WWOX: variants seen among roughly 807,000 people sequenced by gnomAD.
WWOX encodes WW domain containing oxidoreductase, also known as WW domain-containing oxidoreductase.
In WWOX, 69 loss-of-function variants were observed where a neutral mutation model predicts 46.2. That is an observed-to-expected ratio of 1.49 (90% CI 1.23 to 1.82). The LOEUF is 1.82. WWOX is among the 40% of genes most tolerant of loss of function. The pLI is 0.00. For synonymous variants in WWOX, 359 were observed against 202.6 expected (o/e 1.77, Z -6.56); for missense variants, 919 against 542.6 (o/e 1.69, Z -6.89).
At chr16:78,169,147 A>G (rs932823857) in intron 5 of WWOX, among the ~76,000 whole-genome samples, 1 of 152,230 alleles carries the variant, frequency 6.6e-6, no homozygotes, top group Admixed American at 6.5e-5. Flanking sequence ...TCACATCCTT[A>G]TGTGAATTAT....
chr16:78,789,316 A>G (rs1014882443), intron 8 of WWOX, among the ~76,000 whole-genome samples: 3 of 152,078 alleles, frequency 2.0e-5, no homozygotes, highest in East Asian at 1.9e-4. Flanking sequence ...TTTTACGTCA[A>G]TTTTTCTATA....
intron 8 of WWOX, chr16:78,996,376 A>ACCCCCCCCCCCCCCCCCCCCCCCC (rs1338159064): frequency 2.3e-6 from 1 of 438,796 alleles, no homozygotes; most frequent in Non-Finnish European, 2.6e-6. Context: ...TTCTGCACCC[A>ACCCCCCCCCCCCCCCCCCCCCCCC]CCCCCGCCCC....
chr16:78,916,231 A>G (rs2045248555), intron 8 of WWOX, among the ~76,000 whole-genome samples: 5 of 152,198 alleles, frequency 3.3e-5, no homozygotes, highest in Admixed American at 2.6e-4. Context: ...GTTAACAAAC[A>G]AGTTTGCCGG....
At chr16:78,931,490 C>T (rs2045623243) in intron 8 of WWOX, among the ~76,000 whole-genome samples, 1 of 152,132 alleles carries the variant, frequency 6.6e-6, no homozygotes, top group African/African-American at 2.4e-5. Context: ...CTGGGCTGGG[C>T]CAGTTCAGCT....
At chr16:78,777,072 A>G (rs1049151439) in intron 8 of WWOX, among the ~76,000 whole-genome samples, 2 of 152,236 alleles carry the variant, frequency 1.3e-5, no homozygotes, top group Non-Finnish European at 2.9e-5. Flanking sequence ...GAAAATGAGG[A>G]AAATTGGGAA....
chr16:79,144,714 T>C (rs2050152719), intron 8 of WWOX, among the ~76,000 whole-genome samples: 1 of 152,244 alleles, frequency 6.6e-6, no homozygotes, highest in South Asian at 2.1e-4. Flanking sequence ...TAATGTTCTG[T>C]ACAGTAGTCC....
At chr16:78,285,555 G>A (rs969507392) in intron 5 of WWOX, among the ~76,000 whole-genome samples, 1 of 152,238 alleles carries the variant, frequency 6.6e-6, no homozygotes, top group Non-Finnish European at 1.5e-5. Context: ...AGGTCTGACT[G>A]TTAAGCAAAG....
intron 8 of WWOX, among the ~76,000 whole-genome samples, chr16:79,084,945 T>C (rs568148401): frequency 1.3e-5 from 2 of 152,242 alleles, no homozygotes; most frequent in East Asian, 3.9e-4. Context: ...GCAATCAAAA[T>C]ACAGACACAG....
intron 5 of WWOX, among the ~76,000 whole-genome samples, chr16:78,213,998 G>C (rs2036639863): frequency 6.6e-6 from 1 of 152,106 alleles, no homozygotes; most frequent in Non-Finnish European, 1.5e-5. Context: ...TGAAATGAGA[G>C]GTGTAACCTG....
intron 8 of WWOX, among the ~76,000 whole-genome samples, chr16:79,195,195 A>T (rs1360304056): frequency 6.6e-6 from 1 of 152,116 alleles, no homozygotes; most frequent in Non-Finnish European, 1.5e-5. Flanking sequence ...TACCCCAGGA[A>T]GTAGATTCTG....
At chr16:78,225,244 G>T (rs2037013305) in intron 5 of WWOX, among the ~76,000 whole-genome samples, 1 of 152,008 alleles carries the variant, frequency 6.6e-6, no homozygotes, top group African/African-American at 2.4e-5. Flanking sequence ...TAATACAATG[G>T]GACATATTTG....
Position 78,744,319 on chromosome 16 carries a change from C to T in WWOX, c.1056+311567C>T, listed in dbSNP as rs553114840. On this transcript the variant is annotated intron_variant, in intron 8 of 8. Coordinates refer to ENST00000566780, the MANE Select transcript of WWOX (RefSeq NM_016373.4). Reference sequence around the variant, plus strand: ...GGTGTGTCTCAGAAGGTACATGTGACGTTTCATTTTTATTTGTTTGCTTTT... The same window carrying T: ...GGTGTGTCTCAGAAGGTACATGTGATGTTTCATTTTTATTTGTTTGCTTTT... Among the ~76,000 whole-genome samples the T allele has an allele frequency of 1.7e-4, 25 of 150,532 alleles. No individual in the cohort carries two copies. The South Asian group carries it at 1.9e-3, about 11-fold the overall frequency.
intron 8 of WWOX, among the ~76,000 whole-genome samples, chr16:78,754,339 G>T (rs145744833): frequency 6.6e-6 from 1 of 152,132 alleles, no homozygotes; most frequent in African/African-American, 2.4e-5. Context: ...CCTAAGGTCA[G>T]TGTGCAAGTT....
intron 8 of WWOX, among the ~76,000 whole-genome samples, chr16:78,522,103 A>T (rs1025130087): frequency 1.3e-5 from 2 of 151,698 alleles, no homozygotes; most frequent in African/African-American, 4.8e-5. Flanking sequence ...CTTTTCATAT[A>T]CAAGGGAATA....
chr16:78,848,279 GT>G (rs1344423867), intron 8 of WWOX, among the ~76,000 whole-genome samples: 2 of 151,864 alleles, frequency 1.3e-5, no homozygotes, highest in African/African-American at 4.8e-5. Flanking sequence ...GCTTTTCGTT[GT>G]TGATGTTGTT....
At chr16:78,570,424 T>G (rs2044686819) in intron 8 of WWOX, among the ~76,000 whole-genome samples, 1 of 152,202 alleles carries the variant, frequency 6.6e-6, no homozygotes, top group African/African-American at 2.4e-5. Flanking sequence ...TCCTCATGCC[T>G]TAGTCTCCCG....
chr16:78,961,449 A>ATGGATGGG (rs2046269098), intron 8 of WWOX, among the ~76,000 whole-genome samples: 1 of 151,858 alleles, frequency 6.6e-6, no homozygotes, highest in South Asian at 2.1e-4. Flanking sequence ...GGATGGATGG[A>ATGGATGGG]TGGATGGGTG....
chr16:78,673,886 G>C lies in WWOX; in HGVS notation c.1056+241134G>C, dbSNP rs933210189. ...AAACATGCCAAGAGCAGCTATTTTA[G>C]AGACTACAGGGAAATGTTTAATTGG... On this transcript the variant is annotated intron_variant, in intron 8 of 8. Coordinates refer to ENST00000566780, the MANE Select transcript of WWOX (RefSeq NM_016373.4). Among the ~76,000 whole-genome samples the C allele has an allele frequency of 2.3e-4, 35 of 152,252 alleles. 1 individual carries two copies. The highest frequency in any genetic ancestry group is 8.2e-4 in the African/African-American group (34 of 41,546).
intron 8 of WWOX, among the ~76,000 whole-genome samples, chr16:79,142,454 A>G (rs992653295): frequency 8.5e-5 from 13 of 152,200 alleles, no homozygotes; most frequent in African/African-American, 3.1e-4. Context: ...AAATTGGCAC[A>G]TGCTACACAT....
Sources: allele counts gnomAD v4.1 joint callset (sites outside exome capture counted in the v4.1 genomes callset), GRCh38; gene constraint gnomAD v4.1.1; transcripts MANE v1.5; gene names NCBI Gene and HGNC (gene_info 2026-07-23, HGNC 2026-07-21).